EML4: variants seen among roughly 807,000 people sequenced by gnomAD.
The protein encoded by EML4 is echinoderm microtubule-associated protein-like 4.
In EML4, 72 loss-of-function variants were observed where a neutral mutation model predicts 129.0. The observed-to-expected ratio is 0.56, with a 90% CI of 0.46 to 0.68. The LOEUF is 0.68. EML4 is among the 30% of genes least tolerant of loss of function. The pLI is 0.00. For missense variants in EML4, 1,363 were observed against 1,190.6 expected, an observed-to-expected ratio of 1.14 and a Z score of -2.13; for synonymous variants, 532 against 405.0, an observed-to-expected ratio of 1.31 and a Z score of -3.77.
chr2:42,319,877 A>G (rs1360914076), intron 19 of EML4: 1 of 152,246 alleles, frequency 6.6e-6, no homozygotes, highest in East Asian at 1.9e-4. Flanking sequence ...TTATAGCTGC[A>G]GAAGCACAGT....
intron 13 of EML4, among the ~76,000 whole-genome samples, chr2:42,300,912 T>C (rs1668249489): frequency 6.6e-6 from 1 of 152,172 alleles, no homozygotes. Flanking sequence ...CCATACAAGA[T>C]GATTATGAGA....
chr2:42,323,947 T>TA (rs1228678359), intron 19 of EML4, among the ~76,000 whole-genome samples: 67 of 131,432 alleles, frequency 5.1e-4, no homozygotes, highest in East Asian at 3.8e-3. Flanking sequence ...CTGTCTCAAT[T>TA]AAAAAAAAAA....
At chr2:42,317,741 CT>C (rs1669320817) in intron 19 of EML4, among the ~76,000 whole-genome samples, 1 of 152,194 alleles carries the variant, frequency 6.6e-6, no homozygotes, top group East Asian at 1.9e-4. Flanking sequence ...ATATTTGTCA[CT>C]CTGTGACTAG....
intron 6 of EML4, among the ~76,000 whole-genome samples, 167 bp from the exon 7 acceptor site, chr2:42,280,683 C>G (rs1295689408): frequency 2.6e-5 from 4 of 152,118 alleles, no homozygotes; most frequent in Non-Finnish European, 5.9e-5. Flanking sequence ...AAATCAGTCC[C>G]CCGTGGATAC....
At chr2:42,281,386 C>G (rs1400016644) in intron 7 of EML4, among the ~76,000 whole-genome samples, 1 of 140,740 alleles carries the variant, frequency 7.1e-6, no homozygotes, top group Non-Finnish European at 1.5e-5. Flanking sequence ...GGGGAAAACT[C>G]TGTCTCAAAA....
At chr2:42,214,381 A>T (rs1175976926) in intron 1 of EML4, among the ~76,000 whole-genome samples, 2 of 152,156 alleles carry the variant, frequency 1.3e-5, no homozygotes, top group Non-Finnish European at 2.9e-5. Flanking sequence ...ATTCCCAACT[A>T]TGTAGCTTTT....
intron 1 of EML4, among the ~76,000 whole-genome samples, chr2:42,196,019 A>G (rs1024613100): frequency 1.3e-5 from 2 of 152,188 alleles, no homozygotes; most frequent in Admixed American, 1.3e-4. Context: ...TACATTGACC[A>G]GACTTAGATA....
intron 21 of EML4, among the ~76,000 whole-genome samples, chr2:42,328,358 T>G (rs963994969): frequency 6.6e-6 from 1 of 152,210 alleles, no homozygotes; most frequent in Non-Finnish European, 1.5e-5. Context: ...GACATAATCT[T>G]TCCAGGAAAA....
intron 1 of EML4, among the ~76,000 whole-genome samples, chr2:42,238,811 T>C (rs191014733): frequency 1.3e-5 from 2 of 152,228 alleles, no homozygotes; most frequent in Admixed American, 1.3e-4. Flanking sequence ...AAAGACAGGG[T>C]CTTGCTCTGT....
At position 42,255,738 on chromosome 2, in the gene EML4, A is replaced by C. The variant is rs564415670; in HGVS notation, c.209-763A>C. 2.6e-5 allele frequency among the ~76,000 whole-genome samples: 4 copies of C among 152,314 alleles called. No individual in the cohort carries two copies. The South Asian group carries it at 8.3e-4, about 32-fold the overall frequency. On this transcript the variant is annotated intron_variant, in intron 2 of 22. Coordinates refer to ENST00000318522, the MANE Select transcript of EML4 (RefSeq NM_019063.5). Reference sequence around the variant, plus strand: ...CATTCAATCTAATGTAGGACTTACGAATCTATATTAAGGAAGCACGTTAGG... The same window carrying C: ...CATTCAATCTAATGTAGGACTTACGCATCTATATTAAGGAAGCACGTTAGG...
In EML4 at chr2:42,286,264, T is replaced by C; in HGVS notation, c.1012-5T>C. The C allele has an allele frequency of 6.3e-7, 1 of 1,585,816 alleles. No homozygotes were observed. The highest frequency in any genetic ancestry group is 8.7e-7 in the Non-Finnish European group (1 of 1,154,098). ...CAGTTGCTCTGCTGTCTTGTGTTTT[T>C]GCAGCCTCTACAACCCCACGTCAGA... On this transcript the variant is annotated splice_polypyrimidine_tract_variant and splice_region_variant and intron_variant, in intron 9 of 22. Coordinates refer to ENST00000318522, the MANE Select transcript of EML4 (RefSeq NM_019063.5).
chr2:42,316,175 G>A, intron 18 of EML4, 125 bp downstream of exon 18: 3 of 536,648 alleles, frequency 5.6e-6, no homozygotes, highest in South Asian at 3.7e-5. Context: ...TATTAAATCT[G>A]TTTCCCCCAA....
In EML4 at chr2:42,329,260, G is replaced by T. The variant is rs148863843; in HGVS notation, c.2472+244G>T. ...TGTTATTCCTGTTTCTTTATTGTCCGGTTGCTTTTTATTTTGATTTGTTGG... is the reference window on the plus strand; with the variant it reads ...TGTTATTCCTGTTTCTTTATTGTCCTGTTGCTTTTTATTTTGATTTGTTGG... On this transcript the variant is annotated intron_variant, in intron 22 of 22. Coordinates refer to ENST00000318522, the MANE Select transcript of EML4 (RefSeq NM_019063.5). Among the ~76,000 whole-genome samples the T allele has an allele frequency of 2.2e-4, 33 of 152,136 alleles. No homozygotes were observed. The East Asian group carries it at 5.0e-3, about 23-fold the overall frequency.
At chr2:42,171,357 TC>T (rs1558469919) in intron 1 of EML4, among the ~76,000 whole-genome samples, 1 of 152,250 alleles carries the variant, frequency 6.6e-6, no homozygotes, top group Non-Finnish European at 1.5e-5. Context: ...TTAACTTCTT[TC>T]GTGTTGGCTC....
chr2:42,296,545 A>G (rs914513116), intron 13 of EML4, among the ~76,000 whole-genome samples: 13 of 152,234 alleles, frequency 8.5e-5, no homozygotes, highest in African/African-American at 3.1e-4. Context: ...TGATTTATGA[A>G]TAAGGGAATC....
chr2:42,219,017 G>A (rs1276118533), intron 1 of EML4, among the ~76,000 whole-genome samples: 4 of 152,070 alleles, frequency 2.6e-5, no homozygotes, highest in Non-Finnish European at 4.4e-5. Context: ...CTTGTTATGC[G>A]TTTACTCCAA....
At chr2:42,320,990 C>CTT (rs1558610479) in intron 19 of EML4, among the ~76,000 whole-genome samples, 1 of 152,126 alleles carries the variant, frequency 6.6e-6, no homozygotes, top group Non-Finnish European at 1.5e-5. Context: ...AGAGTAAACA[C>CTT]TTTATCTACC....
At chr2:42,186,395 A>T (rs1285163327) in intron 1 of EML4, among the ~76,000 whole-genome samples, 1 of 152,234 alleles carries the variant, frequency 6.6e-6, no homozygotes, top group East Asian at 1.9e-4. Context: ...TTAACTTGAC[A>T]AACTTGCTGT....
chr2:42,173,317 T>C (rs760434836), intron 1 of EML4, among the ~76,000 whole-genome samples: 3 of 152,110 alleles, frequency 2.0e-5, no homozygotes, highest in Admixed American at 1.3e-4. Flanking sequence ...TTTTTTAAAC[T>C]TTTTTTATTG....
Sources: gnomAD v4.1 joint callset for allele counts (sites outside exome capture counted in the v4.1 genomes callset) on GRCh38, gnomAD v4.1.1 for gene constraint, MANE v1.5 for transcripts, NCBI Gene and HGNC (gene_info 2026-07-23, HGNC 2026-07-21) for gene names.